Variants in ADAMTSL1 observed in about 807,000 individuals in gnomAD.
The protein encoded by ADAMTSL1 is ADAMTS-like protein 1.
ADAMTSL1 carries 126 observed loss-of-function variants against 201.8 expected under a neutral mutation model. The observed-to-expected ratio is 0.62, with a 90% CI of 0.54 to 0.72. The LOEUF (loss-of-function observed/expected upper bound fraction) is 0.72. Ranked by LOEUF, ADAMTSL1 falls within the 30% of genes least tolerant of loss-of-function variation. The pLI is 0.00. For synonymous variants in ADAMTSL1, 1,121 were observed against 903.4 expected, an observed-to-expected ratio of 1.24 and a Z score of -4.32; for missense variants, 2,679 against 2,277.8, an observed-to-expected ratio of 1.18 and a Z score of -3.59.
rs1009223095 is a variant in ADAMTSL1, at chr9:18,458,678, C to T, written c.208-46151C>T. On this transcript the variant is annotated intron_variant, in intron 2 of 29. Transcript: ENST00000680146. ...GGCTTTATATACCGGGAAAAAGATT[C>T]GATCCAGGCAGTGCTCAGTCAGTGA... Among the ~76,000 whole-genome samples the T allele has an allele frequency of 3.3e-5, 5 of 152,200 alleles. No homozygotes were observed. In the South Asian group the frequency reaches 6.2e-4, roughly 19 times the overall value.
chr9:18,572,005 C>T (rs1427085969), intron 3 of ADAMTSL1, among the ~76,000 whole-genome samples: 3 of 151,890 alleles, frequency 2.0e-5, no homozygotes, highest in Non-Finnish European at 4.4e-5. Context: ...CCAGCCTGGC[C>T]AACATGGCAA....
chr9:18,494,891 A>G (rs937174825), intron 1 of ADAMTSL1, among the ~76,000 whole-genome samples: 16 of 152,334 alleles, frequency 1.1e-4, no homozygotes, highest in African/African-American at 3.8e-4. Flanking sequence ...AAAATCTCCT[A>G]GCAAGGAGTG....
At chr9:18,413,027 C>T (rs1020642167) in intron 2 of ADAMTSL1, among the ~76,000 whole-genome samples, 2 of 152,040 alleles carry the variant, frequency 1.3e-5, no homozygotes, top group African/African-American at 4.8e-5. Flanking sequence ...TTTTAGTAGG[C>T]TCATAGAAAA....
Position 18,776,812 on chromosome 9 carries a change from G to A in ADAMTSL1, c.2583G>A (p.Pro861=), listed in dbSNP as rs772462390. 4.5e-6 allele frequency: 7 copies of A among 1,564,774 alleles called. No homozygotes were observed. Among genetic ancestry groups the A allele is most frequent in the Admixed American group, 1.9e-5 (1 of 52,604 alleles). ...GGCGGCCATCCACGAAGCACAGCCC[G>A]CACATCGCGGCCGCCAGGAAGGTCT... The part of the protein sequence containing the change: ...RPGRPSTKHS[P]HIAAARKVYI... Residue 861 remains proline (P), a synonymous_variant, in exon 19 of 29, where the codon CCG becomes CCA. Transcript: ENST00000380548.
At chr9:18,788,466 T>A (rs986055927) in intron 19 of ADAMTSL1, among the ~76,000 whole-genome samples, 2 of 151,440 alleles carry the variant, frequency 1.3e-5, no homozygotes, top group Non-Finnish European at 2.9e-5. Flanking sequence ...TGCTGTCAGT[T>A]TAAGAACAGT....
chr9:18,200,530 C>G (rs747961983), intron 2 of ADAMTSL1, among the ~76,000 whole-genome samples: 1 of 152,008 alleles, frequency 6.6e-6, no homozygotes, highest in Non-Finnish European at 1.5e-5. Flanking sequence ...TTTTCTTAGT[C>G]TATACTATCA....
At chr9:18,878,665 C>A (rs1828328021) in intron 23 of ADAMTSL1, among the ~76,000 whole-genome samples, 1 of 152,226 alleles carries the variant, frequency 6.6e-6, no homozygotes, top group Non-Finnish European at 1.5e-5. Flanking sequence ...CAGTGGCAAG[C>A]TGCTTCCTTG....
chr9:18,504,987 G>A, intron 2 of ADAMTSL1, 31 bp downstream of exon 2: 3 of 1,586,662 alleles, frequency 1.9e-6, no homozygotes, highest in Non-Finnish European at 2.6e-6. Context: ...GGGTCTTTGT[G>A]AGAACCAGAG....
At chr9:18,003,312 C>T (rs1819687941) in intron 1 of ADAMTSL1, among the ~76,000 whole-genome samples, 1 of 151,876 alleles carries the variant, frequency 6.6e-6, no homozygotes, top group African/African-American at 2.4e-5. Flanking sequence ...TCTGATTCAC[C>T]CAAGGGTTGT....
At position 18,777,832 on chromosome 9, in the gene ADAMTSL1, C is replaced by T. The variant is rs1207708810; in HGVS notation, c.3603C>T (p.His1201=). The part of the protein sequence containing the change: ...LASGTLSVLL[H]CEAIGHPRPT... ...GCGGGACACTGAGTGTTCTTCTGCA[C>T]TGTGAGGCCATCGGCCACCCAAGGC... The change falls in exon 19 of 29, where the codon CAC becomes CAT. Residue 1201 remains histidine (H), a synonymous_variant. Transcript: ENST00000380548. 1 of 1,607,414 alleles carries T rather than the reference C, an allele frequency of 6.2e-7. No homozygotes were observed. The highest frequency in any genetic ancestry group is 8.5e-7 in the Non-Finnish European group (1 of 1,175,008).
chr9:18,012,919 T>C (rs1381621722), intron 1 of ADAMTSL1, among the ~76,000 whole-genome samples: 4 of 152,030 alleles, frequency 2.6e-5, no homozygotes, highest in African/African-American at 9.7e-5. Flanking sequence ...TCTTTTCAGT[T>C]AGGACTTGGA....
chr9:18,099,616 C>T (rs1196556952), intron 1 of ADAMTSL1, among the ~76,000 whole-genome samples: 2 of 143,538 alleles, frequency 1.4e-5, no homozygotes, highest in African/African-American at 5.2e-5. Flanking sequence ...TTATTTCTTT[C>T]TTCCTTTTTC....
At chr9:18,147,714 A>G (rs964327815) in intron 1 of ADAMTSL1, among the ~76,000 whole-genome samples, 1 of 152,142 alleles carries the variant, frequency 6.6e-6, no homozygotes, top group Non-Finnish European at 1.5e-5. Context: ...CAAAAGACCA[A>G]AGCAACTGTA....
At chr9:18,683,727 T>C (rs1447513117) in intron 12 of ADAMTSL1, among the ~76,000 whole-genome samples, 1 of 152,200 alleles carries the variant, frequency 6.6e-6, no homozygotes, top group Non-Finnish European at 1.5e-5. Flanking sequence ...TAGTCAATTG[T>C]TTATTAGCTT....
intron 2 of ADAMTSL1, among the ~76,000 whole-genome samples, chr9:18,294,299 T>C (rs990834159): frequency 3.3e-5 from 5 of 152,220 alleles, no homozygotes; most frequent in African/African-American, 1.2e-4. Flanking sequence ...TCCTCTAATA[T>C]TGGAAACAGA....
At chr9:18,696,409 G>A (rs1175534774) in intron 13 of ADAMTSL1, among the ~76,000 whole-genome samples, 1 of 152,228 alleles carries the variant, frequency 6.6e-6, no homozygotes, top group East Asian at 1.9e-4. Flanking sequence ...AATGGTGGGA[G>A]ATGAAGATGG....
At chr9:18,207,025 C>T (rs550823860) in intron 2 of ADAMTSL1, among the ~76,000 whole-genome samples, 59 of 151,998 alleles carry the variant, frequency 3.9e-4, no homozygotes, top group African/African-American at 1.1e-3. Flanking sequence ...ATTAGCTGGG[C>T]GTCGTGGTGC....
upstream of ADAMTSL1, among the ~76,000 whole-genome samples, chr9:18,471,583 C>G (rs1012216736): frequency 6.6e-6 from 1 of 152,128 alleles, no homozygotes; most frequent in Non-Finnish European, 1.5e-5. Context: ...TGATTTTGTT[C>G]TCCCTTTTCT....
chr9:18,864,830 C>A (rs1346861470), intron 23 of ADAMTSL1, among the ~76,000 whole-genome samples: 5 of 152,212 alleles, frequency 3.3e-5, no homozygotes, highest in Admixed American at 2.6e-4. Context: ...CCTGTCCTTG[C>A]TGGAGGCCAT....
Sources: gnomAD v4.1 joint callset for allele counts (sites outside exome capture counted in the v4.1 genomes callset) on GRCh38, gnomAD v4.1.1 for gene constraint, MANE v1.5 for transcripts, NCBI Gene and HGNC (gene_info 2026-07-23, HGNC 2026-07-21) for gene names.